ZNF292: variants seen among roughly 807,000 people sequenced by gnomAD.
ZNF292 encodes the protein 16 zinc-finger domain protein.
Under a neutral mutation model 217.9 loss-of-function variants are expected in ZNF292, and 26 were observed. That is an observed-to-expected ratio of 0.12 (90% confidence interval 0.09 to 0.17). ZNF292 has a LOEUF of 0.17. Among genes scored for constraint, ZNF292 ranks in the 10% least tolerant of loss-of-function variants. The probability of loss-of-function intolerance (pLI) is 1.00; values close to 1 mark genes in which losing one functional copy is unlikely to be tolerated. For missense variants in ZNF292, 2,904 were observed against 3,175.2 expected, an observed-to-expected ratio of 0.91 and a Z score of 2.05; for synonymous variants, 1,257 against 1,124.1, an observed-to-expected ratio of 1.12 and a Z score of -2.37.
At chr6:87,233,558 T>C in intron 5 of ZNF292, 31 bp downstream of exon 5, 1 of 1,573,796 alleles carries the variant, frequency 6.4e-7, no homozygotes, top group Non-Finnish European at 8.6e-7. Flanking sequence ...TAGTAATTAT[T>C]TTTTAAGTTG....
intron 4 of ZNF292, among the ~76,000 whole-genome samples, chr6:87,225,822 T>C (rs1422001823): frequency 6.6e-6 from 1 of 152,182 alleles, no homozygotes; most frequent in African/African-American, 2.4e-5. Context: ...AGAAGAAATA[T>C]ACTTTTCTCT....
chr6:87,255,541 A>G lies in ZNF292; in HGVS notation c.1912A>G (p.Asn638Asp). The change falls in exon 8 of 8, where the codon AAT becomes GAT. Residue 638 changes from asparagine (N) to aspartate (D), a missense_variant. Around this residue, in one of 15 missense-constraint regions of ZNF292, gnomAD observed 216 missense variants for 308.3 expected, o/e 0.70. Transcript: ENST00000369577. ...ACAGGAGCAGCGACCTATAAAAAAGAATAGTCTCTATTCAACAGATTTTAT... is the reference window on the plus strand; with the variant it reads ...ACAGGAGCAGCGACCTATAAAAAAGGATAGTCTCTATTCAACAGATTTTAT... ...AKQEQRPIKK[N>D]SLYSTDFIVF... 4 of 1,611,902 alleles carry G rather than the reference A, an allele frequency of 2.5e-6. No homozygotes were observed. The highest frequency in any genetic ancestry group is 3.4e-6 in the Non-Finnish European group (4 of 1,178,802).
rs764017231 is a variant in ZNF292, at chr6:87,259,950, A to C, written c.6321A>C (p.Arg2107Ser). Reference sequence around the variant, plus strand: ...CCCAATCCCTTGAGTTTCCAACAAGATACAGTCCTTACAGACCTTATCGAT... The same window carrying C: ...CCCAATCCCTTGAGTTTCCAACAAGCTACAGTCCTTACAGACCTTATCGAT... ...PVSQSLEFPT[R>S]YSPYRPYRCV... Residue 2107 changes from arginine to serine, a missense_variant, in exon 8 of 8, where the codon AGA becomes AGC. By Grantham distance (110) the Arg-to-Ser change is moderately radical. Around this residue, in one of 15 missense-constraint regions of ZNF292, gnomAD observed 261 missense variants for 272.8 expected, o/e 0.96. Coordinates refer to ENST00000369577, the MANE Select transcript of ZNF292 (RefSeq NM_015021.3). 6.2e-7 allele frequency: 1 copy of C among 1,613,684 alleles called. No homozygotes were observed. The highest frequency in any genetic ancestry group is 1.7e-5 in the Admixed American group (1 of 59,986).
At position 87,257,640 on chromosome 6, in the gene ZNF292, G is replaced by C. The variant is rs779667927; in HGVS notation, c.4011G>C (p.Gln1337His). Reference protein sequence around the residue: ...ANNFSSTNAQQSAPEKVKKDR... With the variant: ...ANNFSSTNAQHSAPEKVKKDR... ...ACTTCAGTAGCACCAATGCCCAACA[G>C]TCTGCACCTGAAAAAGTTAAAAAAG... Residue 1337 changes from glutamine (Q) to histidine (H), a missense_variant, in exon 8 of 8, where the codon CAG becomes CAC. Physicochemically the swap from Gln to His is conservative, Grantham distance 24. Coordinates refer to ENST00000369577, the MANE Select transcript of ZNF292 (RefSeq NM_015021.3). 6.2e-6 allele frequency: 10 copies of C among 1,608,794 alleles called. No individual in the cohort carries two copies. In the African/African-American group the frequency reaches 1.3e-4, roughly 21 times the overall value.
rs1342717775 is a variant in ZNF292, at chr6:87,256,866, C to T, written c.3237C>T (p.Asp1079=). 1 of 1,613,838 alleles carries T rather than the reference C, an allele frequency of 6.2e-7. No individual in the cohort carries two copies. The highest frequency in any genetic ancestry group is 2.2e-5 in the East Asian group (1 of 44,884). ...ESIAFVPPQS[D]LSNSLGTPSV... ...TTGCATTTGTTCCACCGCAGTCCGA[C>T]CTAAGTAATTCATTAGGAACTCCAT... The change falls in exon 8 of 8, where the codon GAC becomes GAT. Residue 1079 remains aspartate, a synonymous_variant. Transcript: ENST00000369577.
At chr6:87,225,062 G>GA (rs1773275466) in intron 4 of ZNF292, among the ~76,000 whole-genome samples, 1 of 152,064 alleles carries the variant, frequency 6.6e-6, no homozygotes, top group Non-Finnish European at 1.5e-5. Flanking sequence ...ATTCTAATAG[G>GA]CATGTAGTGA....
At chr6:87,181,594 G>C (rs1392024643) in intron 1 of ZNF292, among the ~76,000 whole-genome samples, 1 of 152,144 alleles carries the variant, frequency 6.6e-6, no homozygotes, top group Non-Finnish European at 1.5e-5. Context: ...ATTTGCCGGG[G>C]ATCTGCCCTC....
chr6:87,253,604 G>A (rs1416981782), intron 7 of ZNF292, among the ~76,000 whole-genome samples: 1 of 151,966 alleles, frequency 6.6e-6, no homozygotes, highest in Non-Finnish European at 1.5e-5. Flanking sequence ...TTGTGCTCTT[G>A]CTGTTTCTAA....
rs74374393 is a variant in ZNF292, at chr6:87,187,851, G to C, written c.169-28052G>C. Among the ~76,000 whole-genome samples the C allele has an allele frequency of 9.4e-3, 1,432 of 152,180 alleles. 18 individuals are homozygous for C. The highest frequency in any genetic ancestry group is 0.032 in the African/African-American group (1,348 of 41,510). On this transcript the variant is annotated intron_variant, in intron 1 of 7. Transcript: ENST00000369577. Reference sequence around the variant, plus strand: ...AACATTAAATGCCTGTAGACCCCAGGCATGTAAATTAATGACTTGGATAGA... The same window carrying C: ...AACATTAAATGCCTGTAGACCCCAGCCATGTAAATTAATGACTTGGATAGA...
At chr6:87,236,467 TTAAG>T (rs930294229) in intron 5 of ZNF292, among the ~76,000 whole-genome samples, 2 of 151,952 alleles carry the variant, frequency 1.3e-5, no homozygotes, top group African/African-American at 4.8e-5. Flanking sequence ...CTGGGAGAGA[TTAAG>T]TGTTTATCTG....
intron 1 of ZNF292, among the ~76,000 whole-genome samples, chr6:87,164,637 A>C (rs774813956): frequency 5.3e-5 from 8 of 151,674 alleles, no homozygotes; most frequent in African/African-American, 1.5e-4. Flanking sequence ...TTCTCTAACC[A>C]CATCTGACTG....
chr6:87,182,979 A>G (rs935785315), intron 1 of ZNF292, among the ~76,000 whole-genome samples: 1 of 152,192 alleles, frequency 6.6e-6, no homozygotes, highest in Non-Finnish European at 1.5e-5. Flanking sequence ...GATCTTCCCA[A>G]TGAAACACTC....
chr6:87,224,211 T>C (rs1379662129), intron 4 of ZNF292, among the ~76,000 whole-genome samples: 1 of 152,206 alleles, frequency 6.6e-6, no homozygotes, highest in Non-Finnish European at 1.5e-5. Flanking sequence ...GTTACTTAGG[T>C]CAGCACCTTA....
chr6:87,171,583 A>G (rs1374910612), intron 1 of ZNF292, among the ~76,000 whole-genome samples: 1 of 152,166 alleles, frequency 6.6e-6, no homozygotes, highest in Non-Finnish European at 1.5e-5. Flanking sequence ...GTTCCCTCAT[A>G]AAATAACATT....
Position 87,260,951 on chromosome 6 carries a change from A to G in ZNF292, c.7322A>G (p.Gln2441Arg). Residue 2441 changes from glutamine to arginine, a missense_variant, in exon 8 of 8, where the codon CAA (glutamine) becomes CGA (arginine). By Grantham distance (43) the Gln-to-Arg change is conservative. This residue lies in a region of ZNF292 where 380 missense variants were observed against 355.3 expected (regional missense o/e 1.07). Transcript: ENST00000369577. The stretch of plus-strand genomic sequence containing the variant: ...TCACAAGTAAAGGAAACGTCTGAGC[A>G]AGAAGGTGCTAAGAATGATGTGAAA... ...CNSQVKETSE[Q>R]EGAKNDVKDS... The G allele has an allele frequency of 6.2e-7, 1 of 1,610,696 alleles. No homozygotes were observed. Among genetic ancestry groups the G allele is most frequent in the South Asian group, 1.1e-5 (1 of 90,510 alleles).
chr6:87,189,144 G>A (rs1771750473), intron 1 of ZNF292, among the ~76,000 whole-genome samples: 1 of 152,118 alleles, frequency 6.6e-6, no homozygotes, highest in Non-Finnish European at 1.5e-5. Context: ...GACAGAGGTT[G>A]CAGTGAGTTG....
intron 1 of ZNF292, among the ~76,000 whole-genome samples, chr6:87,198,352 C>T (rs1345173822): frequency 6.6e-6 from 1 of 152,072 alleles, no homozygotes; most frequent in Non-Finnish European, 1.5e-5. Flanking sequence ...CTACAGGCGT[C>T]CGCCACCACA....
chr6:87,252,086 G>C (rs1360081479), intron 7 of ZNF292, among the ~76,000 whole-genome samples: 1 of 151,862 alleles, frequency 6.6e-6, no homozygotes, highest in East Asian at 1.9e-4. Flanking sequence ...CTGCAAGACA[G>C]ATACCCTTCA....
At chr6:87,164,463 A>G (rs923191808) in intron 1 of ZNF292, among the ~76,000 whole-genome samples, 20 of 152,314 alleles carry the variant, frequency 1.3e-4, no homozygotes, top group Admixed American at 4.6e-4. Context: ...CACACATACT[A>G]TGGGTACAGG....
Sources: gnomAD v4.1 joint callset for allele counts (sites outside exome capture counted in the v4.1 genomes callset) on GRCh38, gnomAD v4.1.1 for gene constraint, gnomAD v4.1.1 regional missense constraint, MANE v1.5 for transcripts, NCBI Gene and HGNC (gene_info 2026-07-23, HGNC 2026-07-21) for gene names.